Variants in SELENOF observed in about 807,000 individuals in gnomAD.
SELENOF encodes 15 kDa selenoprotein.
In SELENOF, 16 loss-of-function variants were observed where a neutral mutation model predicts 20.5. The ratio of observed to expected loss-of-function variants is 0.78; its 90% confidence interval spans 0.53 to 1.19. The LOEUF (loss-of-function observed/expected upper bound fraction) is 1.19, where lower values mean the gene tolerates loss of function less well. SELENOF is among the 50% of genes most tolerant of loss of function. The pLI is 0.00. For missense variants in SELENOF, 215 were observed against 194.2 expected, an observed-to-expected ratio of 1.11 and a Z score of -0.64; for synonymous variants, 78 against 74.5, an observed-to-expected ratio of 1.05 and a Z score of -0.24.
At chr1:86,885,827 A>G (rs891368999) in intron 2 of SELENOF, among the ~76,000 whole-genome samples, 7 of 152,206 alleles carry the variant, frequency 4.6e-5, no homozygotes, top group Admixed American at 3.9e-4. Flanking sequence ...ACTGAGCTTC[A>G]GTTTACTGTC....
intron 1 of SELENOF, among the ~76,000 whole-genome samples, chr1:86,910,735 C>T (rs1395750376): frequency 6.8e-6 from 1 of 147,828 alleles, no homozygotes; most frequent in African/African-American, 2.5e-5. Flanking sequence ...TTCAGTCTAA[C>T]ATGTACTTAC....
At chr1:86,866,228 CTCTGTGTGTG>C (rs1260764181) in intron 4 of SELENOF, among the ~76,000 whole-genome samples, 32 of 52,390 alleles carry the variant, frequency 6.1e-4, no homozygotes, top group African/African-American at 2.8e-3. Flanking sequence ...AAGTGTGTGT[CTCTGTGTGTG>C]TGTGTGTGTG....
intron 3 of SELENOF, among the ~76,000 whole-genome samples, chr1:86,876,358 T>C (rs1272711391): frequency 6.6e-6 from 1 of 152,118 alleles, no homozygotes; most frequent in African/African-American, 2.4e-5. Flanking sequence ...GAGAAGAGGA[T>C]TAATACAGTT....
rs537273410 is a variant in SELENOF, at chr1:86,903,888, T to C, written c.85-440A>G. Reference sequence around the variant, plus strand: ...AGCCACCTCGCCCAGCAATAAATTCTTTCTTAAACTCTGTAACCTTATGTA... The same window carrying C: ...AGCCACCTCGCCCAGCAATAAATTCCTTCTTAAACTCTGTAACCTTATGTA... On this transcript the variant is annotated intron_variant, in intron 1 of 4. Coordinates refer to ENST00000331835, the MANE Select transcript of SELENOF (RefSeq NM_004261.5). 2.6e-5 allele frequency among the ~76,000 whole-genome samples: 4 copies of C among 152,364 alleles called. No homozygotes were observed. In the South Asian group the frequency reaches 8.3e-4, roughly 32 times the overall value.
In SELENOF at chr1:86,909,684, T is replaced by A. The variant is rs116284364; in HGVS notation, c.84+4344A>T. 7.2e-3 allele frequency among the ~76,000 whole-genome samples: 1,090 copies of A among 152,256 alleles called. 12 individuals carry two copies. The highest frequency in any genetic ancestry group is 0.025 in the African/African-American group (1,041 of 41,548). On this transcript the variant is annotated intron_variant, in intron 1 of 4. Transcript: ENST00000331835. ...CAGAGCTATGATTTGGTTAAGACCA[T>A]GTGGATTTGTGTAATACAGTATAAA...
intron 3 of SELENOF, among the ~76,000 whole-genome samples, chr1:86,869,339 T>C (rs1422457739): frequency 1.3e-5 from 2 of 152,226 alleles, no homozygotes; most frequent in African/African-American, 4.8e-5. Flanking sequence ...GTTAAACAAA[T>C]TAATATGTAC....
intron 2 of SELENOF, among the ~76,000 whole-genome samples, chr1:86,902,086 AAGAAC>A (rs1349396816): frequency 3.9e-5 from 6 of 152,196 alleles, no homozygotes; most frequent in African/African-American, 1.4e-4. Context: ...CCTCAGCAAA[AAGAAC>A]AGAGGGGCAG....
chr1:86,901,051 C>T (rs557740035), intron 2 of SELENOF, among the ~76,000 whole-genome samples: 2 of 152,250 alleles, frequency 1.3e-5, no homozygotes, highest in African/African-American at 4.8e-5. Flanking sequence ...AACCACCACA[C>T]TTGGCTAATT....
intron 2 of SELENOF, among the ~76,000 whole-genome samples, chr1:86,900,750 G>A (rs940559174): frequency 2.6e-5 from 4 of 152,140 alleles, no homozygotes; most frequent in Non-Finnish European, 5.9e-5. Context: ...ATATTAGCCA[G>A]GATGGTCTCG....
chr1:86,884,575 T>C (rs1025965082), intron 2 of SELENOF, among the ~76,000 whole-genome samples: 9 of 152,320 alleles, frequency 5.9e-5, no homozygotes, highest in South Asian at 2.1e-4. Flanking sequence ...TTATAAATAG[T>C]AGAAATTCTC....
intron 1 of SELENOF, among the ~76,000 whole-genome samples, chr1:86,913,292 C>T (rs1397760225): frequency 1.3e-5 from 2 of 152,142 alleles, no homozygotes; most frequent in Non-Finnish European, 2.9e-5. Flanking sequence ...TTTTACTATT[C>T]ACACAGCAGA....
chr1:86,908,654 C>A (rs1659893187), intron 1 of SELENOF, among the ~76,000 whole-genome samples: 1 of 152,060 alleles, frequency 6.6e-6, no homozygotes, highest in Admixed American at 6.6e-5. Context: ...TCCGTAAGGC[C>A]CAGCGAGATA....
At chr1:86,887,173 T>C (rs570431015) in intron 2 of SELENOF, 1 of 1,542,916 alleles carries the variant, frequency 6.5e-7, no homozygotes. Flanking sequence ...GATGGCATTC[T>C]TGCTTAGAAA....
chr1:86,894,113 T>A (rs569468165), intron 2 of SELENOF, among the ~76,000 whole-genome samples: 43 of 152,152 alleles, frequency 2.8e-4, no homozygotes, highest in African/African-American at 1.0e-3. Flanking sequence ...CTACTGGTAT[T>A]TTGTGAAGGG....
intron 2 of SELENOF, among the ~76,000 whole-genome samples, chr1:86,888,305 G>T (rs1659280943): frequency 6.6e-6 from 1 of 151,420 alleles, no homozygotes; most frequent in African/African-American, 2.4e-5. Flanking sequence ...CTCAAAGCTT[G>T]AATACCATAG....
At chr1:86,904,790 C>T (rs371900557) in intron 1 of SELENOF, among the ~76,000 whole-genome samples, 2 of 152,196 alleles carry the variant, frequency 1.3e-5, no homozygotes, top group Non-Finnish European at 2.9e-5. Context: ...TCAACTACCC[C>T]GTCCAAAGGC....
chr1:86,899,949 G>A (rs1442143438), intron 2 of SELENOF, among the ~76,000 whole-genome samples: 3 of 151,984 alleles, frequency 2.0e-5, no homozygotes, highest in African/African-American at 4.8e-5. Flanking sequence ...CATCCCACAC[G>A]GGGCGGCGGG....
intron 2 of SELENOF, among the ~76,000 whole-genome samples, chr1:86,901,177 G>A (rs1185805759): frequency 6.6e-6 from 1 of 152,152 alleles, no homozygotes; most frequent in Non-Finnish European, 1.5e-5. Flanking sequence ...AAATTAAACT[G>A]TGATTTTAAA....
At chr1:86,879,764 GC>G (rs1343901116) in intron 3 of SELENOF, among the ~76,000 whole-genome samples, 1 of 152,172 alleles carries the variant, frequency 6.6e-6, no homozygotes, top group African/African-American at 2.4e-5. Flanking sequence ...CTTAGTTCAA[GC>G]CTTTCTTGGC....
Sources: gnomAD v4.1 joint callset for allele counts (sites outside exome capture counted in the v4.1 genomes callset) on GRCh38, gnomAD v4.1.1 for gene constraint, MANE v1.5 for transcripts, NCBI Gene and HGNC (gene_info 2026-07-23, HGNC 2026-07-21) for gene names.